Variants in NKAIN2 observed in about 807,000 individuals in gnomAD.
NKAIN2 encodes the protein sodium/potassium transporting ATPase interacting 2, also known as sodium/potassium-transporting ATPase subunit beta-1-interacting protein 2.
Under a neutral mutation model 32.6 loss-of-function variants are expected in NKAIN2, and 14 were observed. The ratio of observed to expected loss-of-function variants is 0.43; its 90% CI spans 0.28 to 0.67. The LOEUF (loss-of-function observed/expected upper bound fraction) is 0.67, where lower values mean the gene tolerates loss of function less well. Among genes scored for constraint, NKAIN2 ranks in the 30% least tolerant of loss-of-function variants. The probability of loss-of-function intolerance (pLI) is 0.17; values close to 1 mark genes in which losing one functional copy is unlikely to be tolerated. For missense variants in NKAIN2, 198 were observed against 258.3 expected (o/e 0.77, Z 1.60); for synonymous variants, 80 against 87.2 (o/e 0.92, Z 0.46).
chr6:124,756,045 C>T (rs915749174), intron 4 of NKAIN2, among the ~76,000 whole-genome samples: 1 of 145,130 alleles, frequency 6.9e-6, no homozygotes, highest in Non-Finnish European at 1.5e-5. Flanking sequence ...TGAATGAATG[C>T]TTAAGACTAC....
At chr6:124,587,528 T>C (rs990283310) in intron 3 of NKAIN2, among the ~76,000 whole-genome samples, 1 of 152,010 alleles carries the variant, frequency 6.6e-6, no homozygotes, top group Non-Finnish European at 1.5e-5. Flanking sequence ...CAAACTCCTC[T>C]TTTTTTTACA....
intron 1 of NKAIN2, among the ~76,000 whole-genome samples, chr6:124,155,197 A>G (rs1054105116): frequency 2.0e-4 from 31 of 152,232 alleles, no homozygotes; most frequent in Admixed American, 7.9e-4. Context: ...AAATGTTGTT[A>G]AAAGATACAA....
intron 4 of NKAIN2, among the ~76,000 whole-genome samples, chr6:124,733,713 G>T (rs1776797193): frequency 2.0e-5 from 3 of 151,722 alleles, no homozygotes; most frequent in Admixed American, 6.6e-5. Flanking sequence ...ACATTAGTGT[G>T]AGTTCATATT....
At chr6:124,172,798 G>A (rs1181637873) in intron 1 of NKAIN2, among the ~76,000 whole-genome samples, 6 of 152,056 alleles carry the variant, frequency 3.9e-5, no homozygotes, top group Non-Finnish European at 8.8e-5. Flanking sequence ...ATCTGCTGGA[G>A]CTCAAGCAAC....
At chr6:124,647,730 T>G (rs1310168097) in intron 3 of NKAIN2, among the ~76,000 whole-genome samples, 1 of 152,092 alleles carries the variant, frequency 6.6e-6, no homozygotes, top group Non-Finnish European at 1.5e-5. Flanking sequence ...ACTTCTCAAC[T>G]GCAAAAACAG....
intron 1 of NKAIN2, among the ~76,000 whole-genome samples, chr6:124,184,676 C>G (rs1177890864): frequency 1.3e-5 from 2 of 152,106 alleles, no homozygotes; most frequent in East Asian, 3.9e-4. Flanking sequence ...GGGGAAGAAA[C>G]AACAGGTCTG....
intron 3 of NKAIN2, among the ~76,000 whole-genome samples, chr6:124,420,019 G>A (rs1774676888): frequency 6.6e-6 from 1 of 152,032 alleles, no homozygotes; most frequent in South Asian, 2.1e-4. Flanking sequence ...AACTGATTAA[G>A]AAGAATTAGA....
chr6:124,242,527 A>C (rs1172297352), intron 1 of NKAIN2, among the ~76,000 whole-genome samples: 2 of 152,210 alleles, frequency 1.3e-5, no homozygotes, highest in African/African-American at 4.8e-5. Flanking sequence ...CATTTGACCC[A>C]GCAATCCCAT....
intron 1 of NKAIN2, among the ~76,000 whole-genome samples, chr6:124,183,532 A>G (rs1174299992): frequency 6.6e-6 from 1 of 152,068 alleles, no homozygotes; most frequent in African/African-American, 2.4e-5. Context: ...CTCAAGATAT[A>G]TGTTTATATT....
At chr6:123,999,290 A>G (rs1779778556) in intron 1 of NKAIN2, among the ~76,000 whole-genome samples, 1 of 152,174 alleles carries the variant, frequency 6.6e-6, no homozygotes, top group Non-Finnish European at 1.5e-5. Flanking sequence ...GTGATGTTGT[A>G]GAAGATAGAG....
chr6:124,260,629 T>G (rs983092532), intron 1 of NKAIN2, among the ~76,000 whole-genome samples: 2 of 151,964 alleles, frequency 1.3e-5, no homozygotes, highest in African/African-American at 4.8e-5. Context: ...ACTGGGGCCA[T>G]TTGCAGGAGG....
intron 1 of NKAIN2, among the ~76,000 whole-genome samples, chr6:123,982,887 A>G (rs746623883): frequency 1.5e-4 from 23 of 152,022 alleles, no homozygotes; most frequent in Admixed American, 1.5e-3. Context: ...CCTCAATTCA[A>G]CCTCACAATT....
intron 3 of NKAIN2, among the ~76,000 whole-genome samples, chr6:124,374,398 T>C (rs4510696): frequency 0.3 from 45,838 of 151,936 alleles, 8,318 homozygotes; most frequent in African/African-American, 0.52. Context: ...CCCGATGTGC[T>C]GCTCCATTAA....
At chr6:124,000,129 A>G (rs1779810669) in intron 1 of NKAIN2, among the ~76,000 whole-genome samples, 1 of 152,102 alleles carries the variant, frequency 6.6e-6, no homozygotes, top group Non-Finnish European at 1.5e-5. Flanking sequence ...GTCTTCCAAA[A>G]CGACACTTTC....
At chr6:123,836,097 A>C (rs1303739249) in intron 1 of NKAIN2, among the ~76,000 whole-genome samples, 1 of 152,164 alleles carries the variant, frequency 6.6e-6, no homozygotes, top group Non-Finnish European at 1.5e-5. Context: ...AGTTCATATT[A>C]GTATTAATAC....
chr6:124,369,004 T>C (rs1799636210), intron 3 of NKAIN2, among the ~76,000 whole-genome samples: 1 of 152,146 alleles, frequency 6.6e-6, no homozygotes, highest in African/African-American at 2.4e-5. Context: ...ACTAAAACAA[T>C]GCTAATTCTC....
chr6:124,029,509 T>G (rs1582957026), intron 1 of NKAIN2, among the ~76,000 whole-genome samples: 1 of 152,162 alleles, frequency 6.6e-6, no homozygotes, highest in East Asian at 1.9e-4. Context: ...AAAGAAAGAT[T>G]TAGATAAAAT....
chr6:124,732,447 T>A (rs1264425467), intron 4 of NKAIN2, among the ~76,000 whole-genome samples: 1 of 152,180 alleles, frequency 6.6e-6, no homozygotes, highest in Non-Finnish European at 1.5e-5. Context: ...CATGCAATGA[T>A]TCCATTAATA....
intron 1 of NKAIN2, among the ~76,000 whole-genome samples, chr6:124,097,344 A>G (rs889348779): frequency 7.9e-5 from 12 of 151,198 alleles, no homozygotes; most frequent in African/African-American, 2.7e-4. Context: ...TGGAGGTTGC[A>G]TTGAGCCGAC....
Sources: allele counts gnomAD v4.1 joint callset (sites outside exome capture counted in the v4.1 genomes callset), GRCh38; gene constraint gnomAD v4.1.1; transcripts MANE v1.5; gene names NCBI Gene and HGNC (gene_info 2026-07-23, HGNC 2026-07-21).